AGBL1: variants seen among roughly 807,000 people sequenced by gnomAD.
AGBL1 encodes AGBL carboxypeptidase 1.
In AGBL1, 130 loss-of-function variants were observed where a neutral mutation model predicts 118.9. That is an observed-to-expected ratio of 1.09 (90% CI 0.95 to 1.26). AGBL1 has a LOEUF of 1.26. Ranked by LOEUF, AGBL1 falls within the 50% of genes most tolerant of loss-of-function variation. AGBL1 has a pLI of 0.00. For synonymous variants in AGBL1, 555 were observed against 478.9 expected, an observed-to-expected ratio of 1.16 and a Z score of -2.08; for missense variants, 1,584 against 1,298.1, an observed-to-expected ratio of 1.22 and a Z score of -3.38.
At chr15:86,979,298 G>T (rs2081205525) in intron 23 of AGBL1, among the ~76,000 whole-genome samples, 1 of 152,084 alleles carries the variant, frequency 6.6e-6, no homozygotes, top group Admixed American at 6.5e-5. Flanking sequence ...ACAAAAATTC[G>T]AGTGCACCTT....
At chr15:86,519,727 C>T (rs562539913) in intron 18 of AGBL1, among the ~76,000 whole-genome samples, 1 of 152,306 alleles carries the variant, frequency 6.6e-6, no homozygotes, top group African/African-American at 2.4e-5. Context: ...CCCAAATCCA[C>T]ACAACCTATC....
At chr15:86,528,300 C>G (rs1037432698) in intron 19 of AGBL1, among the ~76,000 whole-genome samples, 2 of 152,216 alleles carry the variant, frequency 1.3e-5, no homozygotes, top group Non-Finnish European at 2.9e-5. Flanking sequence ...ACCTGGGAAG[C>G]GCAAGGGGTC....
chr15:86,233,101 G>A (rs2078482692), intron 6 of AGBL1, among the ~76,000 whole-genome samples: 3 of 152,144 alleles, frequency 2.0e-5, no homozygotes, highest in Admixed American at 2.0e-4. Flanking sequence ...TCCCACACAT[G>A]GTAAACGAAG....
chr15:86,280,556 C>A (rs938800342), intron 16 of AGBL1, among the ~76,000 whole-genome samples: 3 of 152,182 alleles, frequency 2.0e-5, no homozygotes, highest in African/African-American at 7.2e-5. Flanking sequence ...TAAATGAACT[C>A]CAGTATCTTC....
chr15:86,481,798 G>A (rs184520184), intron 18 of AGBL1, among the ~76,000 whole-genome samples: 15 of 152,180 alleles, frequency 9.9e-5, no homozygotes, highest in Middle Eastern at 3.4e-3. Context: ...GCGGTCACCT[G>A]GTTTGTTGTT....
chr15:86,138,357 TATC>T (rs1456561185), intron 1 of AGBL1: 4 of 152,244 alleles, frequency 2.6e-5, no homozygotes, highest in African/African-American at 9.7e-5. Context: ...TCTCAAGAGT[TATC>T]ATTCATGGAT....
At chr15:86,882,557 A>G (rs1208537118) in intron 22 of AGBL1, among the ~76,000 whole-genome samples, 2 of 152,212 alleles carry the variant, frequency 1.3e-5, no homozygotes, top group Non-Finnish European at 1.5e-5. Context: ...TAAAATTTAG[A>G]TATATTAATA....
chr15:86,612,271 C>T (rs1439380508), intron 21 of AGBL1, among the ~76,000 whole-genome samples: 1 of 152,054 alleles, frequency 6.6e-6, no homozygotes, highest in Admixed American at 6.6e-5. Flanking sequence ...CAATATGCCA[C>T]CCCAAAATAT....
intron 24 of AGBL1, among the ~76,000 whole-genome samples, chr15:87,012,171 T>C (rs960275781): frequency 6.7e-6 from 1 of 148,496 alleles, no homozygotes; most frequent in Non-Finnish European, 1.5e-5. Flanking sequence ...TCTAGTACTT[T>C]TCTTTGTATA....
intron 17 of AGBL1, among the ~76,000 whole-genome samples, chr15:86,314,980 A>G (rs1413922998): frequency 6.6e-6 from 1 of 152,184 alleles, no homozygotes; most frequent in African/African-American, 2.4e-5. Flanking sequence ...TTATCTGTAA[A>G]TAGGGATAAT....
intron 22 of AGBL1, among the ~76,000 whole-genome samples, chr15:86,838,634 A>G (rs1024396362): frequency 3.9e-5 from 6 of 152,052 alleles, no homozygotes; most frequent in Admixed American, 6.6e-5. Context: ...ATGTCAGTTG[A>G]TAATATCATG....
At chr15:86,970,633 G>A (rs1358534445) in intron 23 of AGBL1, among the ~76,000 whole-genome samples, 1 of 151,950 alleles carries the variant, frequency 6.6e-6, no homozygotes, top group Non-Finnish European at 1.5e-5. Context: ...ATTTGATAAT[G>A]CAGAAGCAAT....
intron 21 of AGBL1, among the ~76,000 whole-genome samples, chr15:86,657,139 G>C (rs1314404706): frequency 6.6e-6 from 1 of 152,062 alleles, no homozygotes; most frequent in Non-Finnish European, 1.5e-5. Context: ...TATGCTCACT[G>C]TCTACCATGC....
intron 1 of AGBL1, 165 bp downstream of exon 1, chr15:86,080,188 C>T (rs908729931): frequency 7.1e-6 from 3 of 419,684 alleles, no homozygotes; most frequent in Non-Finnish European, 1.2e-5. Context: ...CTAAGTGATG[C>T]TATGGAATTC....
chr15:86,284,154 G>A (rs1474332513), intron 16 of AGBL1, among the ~76,000 whole-genome samples: 3 of 147,884 alleles, frequency 2.0e-5, no homozygotes, highest in African/African-American at 7.5e-5. Flanking sequence ...GGACTGATTG[G>A]AAGATACCCG....
chr15:86,321,629 T>C (rs76747406), intron 17 of AGBL1, among the ~76,000 whole-genome samples: 1 of 151,022 alleles, frequency 6.6e-6, no homozygotes, highest in African/African-American at 2.4e-5. Flanking sequence ...AAAAAAAAAT[T>C]AGTTGAGCAT....
chr15:86,569,347 T>TGG (rs2083966868), intron 21 of AGBL1, among the ~76,000 whole-genome samples: 1 of 150,008 alleles, frequency 6.7e-6, no homozygotes, highest in Non-Finnish European at 1.5e-5. Context: ...TACGGTGAAC[T>TGG]GAGATCATGT....
Position 86,154,504 on chromosome 15 carries a change from T to A in AGBL1, c.337T>A (p.Ser113Thr), listed in dbSNP as rs544335237. 8.3e-5 allele frequency: 134 copies of A among 1,613,060 alleles called. 2 individuals carry two copies. In the South Asian group the frequency reaches 1.3e-3, roughly 16 times the overall value. The change falls in exon 4 of 23, where the codon TCC (serine) becomes ACC (threonine). Residue 113 changes from serine (S) to threonine (T), a missense_variant. Physicochemically the swap from Ser to Thr is moderately conservative, Grantham distance 58. Coordinates refer to ENST00000614907, the MANE Select transcript of AGBL1 (RefSeq NM_001386094.1). ...ATTGATTCTGGCCAGGAAGAACCTA[T>A]CCCATGGCCAGAATCTCCTCCACTG... The part of the protein sequence containing the change: ...VTLILARKNL[S>T]HGQNLLHCLW...
chr15:86,287,529 A>G (rs1276890916), intron 16 of AGBL1, among the ~76,000 whole-genome samples: 2 of 152,124 alleles, frequency 1.3e-5, no homozygotes, highest in Admixed American at 6.5e-5. Context: ...TGATTCTTAT[A>G]TAAGGGATCA....
Sources: allele counts gnomAD v4.1 joint callset (sites outside exome capture counted in the v4.1 genomes callset), GRCh38; gene constraint gnomAD v4.1.1; transcripts MANE v1.5; gene names NCBI Gene and HGNC (gene_info 2026-07-23, HGNC 2026-07-21).